Variants in ARSB observed in about 807,000 individuals in gnomAD.
ARSB encodes N-acetylgalactosamine-4-sulfatase.
ARSB carries 41 observed loss-of-function variants against 50.9 expected under a neutral mutation model. That is an observed-to-expected ratio of 0.81 (90% CI 0.63 to 1.04). ARSB has a LOEUF of 1.04. ARSB is among the 50% of genes least tolerant of loss of function. The probability of loss-of-function intolerance (pLI) is 0.00; values close to 1 mark genes in which losing one functional copy is unlikely to be tolerated. For synonymous variants in ARSB, 269 were observed against 284.8 expected (o/e 0.94, Z 0.56); for missense variants, 672 against 693.3 (o/e 0.97, Z 0.35).
At chr5:78,867,228 G>C (rs1428985697) in intron 5 of ARSB, among the ~76,000 whole-genome samples, 1 of 152,208 alleles carries the variant, frequency 6.6e-6, no homozygotes, top group Non-Finnish European at 1.5e-5. Flanking sequence ...CAAGGCGGCA[G>C]CGAGGCTGGG....
intron 6 of ARSB, among the ~76,000 whole-genome samples, chr5:78,808,208 C>T (rs1743654659): frequency 6.6e-6 from 1 of 151,476 alleles, no homozygotes; most frequent in Non-Finnish European, 1.5e-5. Context: ...AACTTGTGGC[C>T]AATTTTCTTT....
intron 3 of ARSB, among the ~76,000 whole-genome samples, chr5:78,960,858 C>T (rs531103756): frequency 2.0e-5 from 3 of 152,244 alleles, no homozygotes; most frequent in South Asian, 4.1e-4. Context: ...CCAGTGCACC[C>T]GGCTGACGGG....
intron 4 of ARSB, among the ~76,000 whole-genome samples, chr5:78,920,911 C>G (rs1749782500): frequency 6.6e-6 from 1 of 152,130 alleles, no homozygotes; most frequent in Admixed American, 6.6e-5. Context: ...GAAGCCCATG[C>G]TATCAGACTA....
At chr5:78,922,192 G>A (rs955507329) in intron 4 of ARSB, among the ~76,000 whole-genome samples, 1 of 149,588 alleles carries the variant, frequency 6.7e-6, no homozygotes, top group East Asian at 2.0e-4. Flanking sequence ...CTTAGAGCCA[G>A]TGGATTTGGT....
intron 4 of ARSB, among the ~76,000 whole-genome samples, chr5:78,930,443 AAAAAG>A (rs1750270864): frequency 1.1e-5 from 1 of 94,296 alleles, no homozygotes; most frequent in South Asian, 3.4e-4. Flanking sequence ...AAAGAAAAAG[AAAAAG>A]AAAAAAAGAT....
chr5:78,777,349 T>C lies in ARSB; in HGVS notation c.*3048A>G, dbSNP rs1266420438. The stretch of plus-strand genomic sequence containing the variant: ...TTAACATTTTAACCACTTTAAAACA[T>C]ACAATTCAGTGGCAGTAATTGCATT... On this transcript the variant is annotated 3_prime_UTR_variant, in exon 8 of 8. Coordinates refer to ENST00000264914, the MANE Select transcript of ARSB (RefSeq NM_000046.5). The C allele has an allele frequency of 1.3e-5, 2 of 152,612 alleles. No homozygotes were observed. The highest frequency in any genetic ancestry group is 1.9e-4 in the East Asian group (1 of 5,206). The allele number at this position is 152,612 out of a possible 1,614,324, so 9.5% of individuals were successfully genotyped here.
intron 4 of ARSB, among the ~76,000 whole-genome samples, chr5:78,889,161 C>T (rs1299772762): frequency 6.6e-6 from 1 of 152,144 alleles, no homozygotes; most frequent in East Asian, 1.9e-4. Flanking sequence ...AGTTCAGTCT[C>T]CTGGGTATTT....
chr5:78,916,564 A>G (rs1012856092), intron 4 of ARSB, among the ~76,000 whole-genome samples: 1 of 152,218 alleles, frequency 6.6e-6, no homozygotes, highest in Non-Finnish European at 1.5e-5. Context: ...ATTGATAAAA[A>G]CAGAAAGATA....
intron 4 of ARSB, among the ~76,000 whole-genome samples, chr5:78,913,291 A>AT (rs1354932820): frequency 6.6e-6 from 1 of 151,888 alleles, no homozygotes; most frequent in Non-Finnish European, 1.5e-5. Context: ...CGCCCGGCTA[A>AT]TTTTTTGTGT....
chr5:78,788,183 T>G (rs1352170220), intron 6 of ARSB, among the ~76,000 whole-genome samples: 1 of 152,184 alleles, frequency 6.6e-6, no homozygotes, highest in East Asian at 1.9e-4. Context: ...GAAAGCCACC[T>G]CTGAGATAAT....
At chr5:78,943,397 T>A (rs1468622156) in intron 4 of ARSB, among the ~76,000 whole-genome samples, 1 of 152,198 alleles carries the variant, frequency 6.6e-6, no homozygotes, top group East Asian at 1.9e-4. Flanking sequence ...ATTTGGCATG[T>A]TTTTGCAGTG....
At chr5:78,809,264 A>C (rs67145712) in intron 6 of ARSB, among the ~76,000 whole-genome samples, 37,250 of 152,144 alleles carry the variant, frequency 0.24, 7,658 homozygotes, top group African/African-American at 0.56. Flanking sequence ...GCTGGGAAGG[A>C]CTTGCCAAGG....
At chr5:78,801,277 C>T (rs1226478101) in intron 6 of ARSB, among the ~76,000 whole-genome samples, 1 of 152,238 alleles carries the variant, frequency 6.6e-6, no homozygotes, top group East Asian at 1.9e-4. Context: ...AGGGGATAGT[C>T]TACATTGTAA....
At chr5:78,880,570 T>G (rs539337764) in intron 5 of ARSB, among the ~76,000 whole-genome samples, 2 of 152,312 alleles carry the variant, frequency 1.3e-5, no homozygotes, top group Admixed American at 1.3e-4. Context: ...TTTCTCCTAC[T>G]CCAAGCCAAA....
At chr5:78,853,864 AGGT>A (rs1745995208) in intron 5 of ARSB, among the ~76,000 whole-genome samples, 1 of 152,266 alleles carries the variant, frequency 6.6e-6, no homozygotes, top group African/African-American at 2.4e-5. Flanking sequence ...CCTCTGAGCC[AGGT>A]GCGGGATATA....
In ARSB at chr5:78,815,183, A is replaced by G. The variant is rs1045889596; in HGVS notation, c.1213+24173T>C. Reference sequence around the variant, plus strand: ...ATTTTAAAGAGATTGCTTATTTTCTAGTCGCATGGTTGCTGAATAAGGCAA... The same window carrying G: ...ATTTTAAAGAGATTGCTTATTTTCTGGTCGCATGGTTGCTGAATAAGGCAA... On this transcript the variant is annotated intron_variant, in intron 6 of 7. Transcript: ENST00000264914. 9.3e-5 allele frequency among the ~76,000 whole-genome samples: 14 copies of G among 150,852 alleles called. 1 individual carries two copies. Among genetic ancestry groups the G allele is most frequent in the African/African-American group, 2.9e-4 (12 of 40,682 alleles).
At chr5:78,962,283 A>C (rs776731994) in intron 3 of ARSB, among the ~76,000 whole-genome samples, 3 of 152,224 alleles carry the variant, frequency 2.0e-5, no homozygotes, top group African/African-American at 4.8e-5. Context: ...AAATATGTAG[A>C]AGAAAACTGA....
chr5:78,857,300 T>C (rs774130188), intron 5 of ARSB, among the ~76,000 whole-genome samples: 10 of 152,354 alleles, frequency 6.6e-5, no homozygotes, highest in East Asian at 3.9e-4. Context: ...AGTGTCAATA[T>C]AGTCAAGTCA....
intron 6 of ARSB, among the ~76,000 whole-genome samples, chr5:78,818,032 C>T (rs1744066219): frequency 1.3e-5 from 2 of 152,118 alleles, no homozygotes; most frequent in African/African-American, 2.4e-5. Context: ...CCTGTGGTCC[C>T]AGCTACTCAG....
Sources: allele counts gnomAD v4.1 joint callset (sites outside exome capture counted in the v4.1 genomes callset), GRCh38; gene constraint gnomAD v4.1.1; transcripts MANE v1.5; gene names NCBI Gene and HGNC (gene_info 2026-07-23, HGNC 2026-07-21).